Variants in GRHL2 observed in about 807,000 individuals in gnomAD.
GRHL2 encodes the protein grainyhead-like protein 2 homolog.
In GRHL2, 21 loss-of-function variants were observed where a neutral mutation model predicts 83.8. The observed-to-expected ratio is 0.25, with a 90% CI of 0.18 to 0.36. GRHL2 has a LOEUF of 0.36. GRHL2 is among the 10% of genes least tolerant of loss of function. The pLI is 1.00. For synonymous variants in GRHL2, 280 were observed against 278.9 expected (o/e 1.00, Z -0.04); for missense variants, 623 against 781.8 (o/e 0.80, Z 2.42).
intron 12 of GRHL2, among the ~76,000 whole-genome samples, chr8:101,641,894 C>T (rs1254727982): frequency 6.6e-6 from 1 of 152,176 alleles, no homozygotes; most frequent in African/African-American, 2.4e-5. Flanking sequence ...TAAATCATCT[C>T]TAGATTATTT....
chr8:101,649,765 C>T (rs1813584135), intron 14 of GRHL2, among the ~76,000 whole-genome samples: 1 of 152,190 alleles, frequency 6.6e-6, no homozygotes, highest in Admixed American at 6.5e-5. Context: ...AAACTGAGTT[C>T]TCACTTGTCT....
intron 7 of GRHL2, among the ~76,000 whole-genome samples, chr8:101,587,893 A>G (rs1812200887): frequency 6.6e-6 from 1 of 152,214 alleles, no homozygotes; most frequent in Admixed American, 6.5e-5. Flanking sequence ...ATGTCTTTGT[A>G]ACATCCACAA....
intron 7 of GRHL2, among the ~76,000 whole-genome samples, chr8:101,591,302 C>T (rs1812276953): frequency 6.6e-6 from 1 of 152,170 alleles, no homozygotes; most frequent in Non-Finnish European, 1.5e-5. Flanking sequence ...ATCATCATTT[C>T]CCCAACACTG....
chr8:101,572,187 G>C (rs1811841059), intron 5 of GRHL2, among the ~76,000 whole-genome samples: 1 of 152,178 alleles, frequency 6.6e-6, no homozygotes, highest in Non-Finnish European at 1.5e-5. Flanking sequence ...CCCTAGACAA[G>C]ACGCAAGCTA....
At chr8:101,575,854 C>T (rs1281694938) in intron 6 of GRHL2, among the ~76,000 whole-genome samples, 1 of 152,176 alleles carries the variant, frequency 6.6e-6, no homozygotes, top group Non-Finnish European at 1.5e-5. Context: ...GTAGTTGCAC[C>T]AGCACAGAGA....
intron 2 of GRHL2, among the ~76,000 whole-genome samples, chr8:101,545,080 G>A (rs1178484083): frequency 6.6e-6 from 1 of 152,172 alleles, no homozygotes; most frequent in African/African-American, 2.4e-5. Flanking sequence ...GAAGAGCAAG[G>A]TATGAGTGGC....
chr8:101,572,953 G>C (rs545170926), intron 5 of GRHL2, among the ~76,000 whole-genome samples: 2 of 152,316 alleles, frequency 1.3e-5, no homozygotes, highest in South Asian at 2.1e-4. Context: ...TACGAAAGCA[G>C]TCATAGACAG....
intron 1 of GRHL2, among the ~76,000 whole-genome samples, chr8:101,517,513 C>T (rs889878055): frequency 6.6e-6 from 1 of 152,166 alleles, no homozygotes; most frequent in African/African-American, 2.4e-5. Context: ...CTAGTGGACT[C>T]TTTCTGCTAA....
chr8:101,496,584 A>G (rs912606521), intron 1 of GRHL2, among the ~76,000 whole-genome samples: 6 of 151,948 alleles, frequency 3.9e-5, no homozygotes, highest in Non-Finnish European at 8.8e-5. Flanking sequence ...GGGGTGGGGG[A>G]AAAGGGGCAG....
At chr8:101,505,444 G>T (rs896264441) in intron 1 of GRHL2, among the ~76,000 whole-genome samples, 9 of 151,892 alleles carry the variant, frequency 5.9e-5, no homozygotes, top group African/African-American at 2.2e-4. Context: ...GGATGTGGTG[G>T]TCCATGCCTG....
Position 101,492,548 on chromosome 8 carries a change from C to T in GRHL2, c.-222C>T, listed in dbSNP as rs1426519643. 1.1e-5 allele frequency: 7 copies of T among 637,934 alleles called. No homozygotes were observed. Among genetic ancestry groups the T allele is most frequent in the African/African-American group, 5.5e-5 (3 of 54,766 alleles). 39.5% of individuals were successfully genotyped at this position (637,934 alleles called of 1,614,324 possible). ...CCCGGCCGCCTCCGAGCTCGGGCCCCATGTGAGGGGCCCCCCCTTATCCCA... is the reference window on the plus strand; with the variant it reads ...CCCGGCCGCCTCCGAGCTCGGGCCCTATGTGAGGGGCCCCCCCTTATCCCA... On this transcript the variant is annotated 5_prime_UTR_variant, in exon 1 of 16. Transcript: ENST00000646743.
intron 4 of GRHL2, among the ~76,000 whole-genome samples, chr8:101,569,896 C>T (rs1811787489): frequency 6.6e-6 from 1 of 152,200 alleles, no homozygotes; most frequent in South Asian, 2.1e-4. Context: ...TAGAACTTGA[C>T]CCTATACAAT....
At chr8:101,676,713 A>G in the GRHL2 span, among the ~76,000 whole-genome samples, 1 of 152,188 alleles carries the variant, frequency 6.6e-6, no homozygotes, top group Non-Finnish European at 1.5e-5. Context: ...ATTACTGGGT[A>G]TATACCCAAA....
At chr8:101,629,362 A>G (rs1284667963) in intron 9 of GRHL2, among the ~76,000 whole-genome samples, 14 of 151,940 alleles carry the variant, frequency 9.2e-5, no homozygotes, top group Non-Finnish European at 1.9e-4. Context: ...TTTTTTAGAC[A>G]TAACGCTATT....
At chr8:101,546,134 C>T (rs1401589410) in intron 2 of GRHL2, among the ~76,000 whole-genome samples, 1 of 152,080 alleles carries the variant, frequency 6.6e-6, no homozygotes, top group Non-Finnish European at 1.5e-5. Context: ...CCCTCCTCAA[C>T]CTCCCAAAGT....
intron 7 of GRHL2, among the ~76,000 whole-genome samples, chr8:101,591,238 G>A (rs1586125357): frequency 6.6e-6 from 1 of 152,164 alleles, no homozygotes; most frequent in African/African-American, 2.4e-5. Flanking sequence ...CAAACACAAA[G>A]CATTGCACTT....
intron 14 of GRHL2, among the ~76,000 whole-genome samples, chr8:101,652,183 G>T (rs532251270): frequency 2.6e-5 from 4 of 151,498 alleles, no homozygotes; most frequent in African/African-American, 9.7e-5. Flanking sequence ...CCTTACTAGT[G>T]CACGACACTT....
chr8:101,581,953 T>C (rs1812061624), intron 7 of GRHL2, among the ~76,000 whole-genome samples: 1 of 152,184 alleles, frequency 6.6e-6, no homozygotes, highest in African/African-American at 2.4e-5. Context: ...AAAGTGGGAC[T>C]GAAGCTGGGC....
chr8:101,629,578 C>G (rs571760977), intron 9 of GRHL2, among the ~76,000 whole-genome samples: 1 of 152,106 alleles, frequency 6.6e-6, no homozygotes, highest in African/African-American at 2.4e-5. Flanking sequence ...AAAACATTAA[C>G]TCAGAAATCA....
Sources: allele counts gnomAD v4.1 joint callset (sites outside exome capture counted in the v4.1 genomes callset), GRCh38; gene constraint gnomAD v4.1.1; transcripts MANE v1.5; gene names NCBI Gene and HGNC (gene_info 2026-07-23, HGNC 2026-07-21).